CNTN5: variants seen among roughly 807,000 people sequenced by gnomAD.
CNTN5 encodes contactin-5.
A neutral mutation model predicts 129.1 loss-of-function variants in CNTN5; 77 were observed. That is an observed-to-expected ratio of 0.60 (90% CI 0.50 to 0.72). CNTN5 has a LOEUF of 0.72. Ranked by LOEUF, CNTN5 falls within the 30% of genes least tolerant of loss-of-function variation. The probability of loss-of-function intolerance (pLI) is 0.00; values close to 1 mark genes in which losing one functional copy is unlikely to be tolerated. For synonymous variants in CNTN5, 509 were observed against 465.6 expected (o/e 1.09, Z -1.20); for missense variants, 1,478 against 1,328.8 (o/e 1.11, Z -1.75).
intron 6 of CNTN5, among the ~76,000 whole-genome samples, chr11:99,893,639 A>G (rs1240562451): frequency 1.3e-5 from 2 of 152,156 alleles, no homozygotes; most frequent in African/African-American, 4.8e-5. Context: ...GGGCAAAGAA[A>G]AAAAATCAGA....
chr11:99,705,123 A>G (rs1954698321), intron 3 of CNTN5, among the ~76,000 whole-genome samples: 2 of 151,414 alleles, frequency 1.3e-5, no homozygotes, highest in South Asian at 4.1e-4. Flanking sequence ...GCTGTCACCC[A>G]GAAGTGTATA....
chr11:99,469,162 A>G (rs1249133858), intron 2 of CNTN5, among the ~76,000 whole-genome samples: 1 of 152,168 alleles, frequency 6.6e-6, no homozygotes, highest in East Asian at 1.9e-4. Flanking sequence ...TAAGATAGAA[A>G]TGACCATATT....
At chr11:100,317,041 G>C (rs752109433) in intron 21 of CNTN5, among the ~76,000 whole-genome samples, 7 of 152,222 alleles carry the variant, frequency 4.6e-5, no homozygotes, top group Non-Finnish European at 7.3e-5. Context: ...ATGCAACTCA[G>C]AAGTTCATTT....
intron 4 of CNTN5, among the ~76,000 whole-genome samples, chr11:99,843,089 G>A (rs1338247855): frequency 6.6e-6 from 1 of 152,124 alleles, no homozygotes; most frequent in Non-Finnish European, 1.5e-5. Flanking sequence ...AAATTAGCTA[G>A]GCATGGTGGC....
intron 3 of CNTN5, among the ~76,000 whole-genome samples, chr11:99,802,268 G>A (rs1238207065): frequency 1.3e-5 from 2 of 152,142 alleles, no homozygotes; most frequent in Non-Finnish European, 2.9e-5. Flanking sequence ...GTAGCTACTT[G>A]ATCCTGGTTT....
At chr11:99,596,413 A>C (rs1232927783) in intron 3 of CNTN5, among the ~76,000 whole-genome samples, 2 of 152,188 alleles carry the variant, frequency 1.3e-5, no homozygotes, top group Non-Finnish European at 2.9e-5. Flanking sequence ...AGATCACAGC[A>C]AACTACCAAG....
At chr11:99,995,071 G>T (rs931608125) in intron 8 of CNTN5, among the ~76,000 whole-genome samples, 4 of 152,198 alleles carry the variant, frequency 2.6e-5, no homozygotes, top group Non-Finnish European at 5.9e-5. Context: ...CAGTTCACTT[G>T]CTATTTATCA....
intron 9 of CNTN5, among the ~76,000 whole-genome samples, chr11:100,006,368 T>C (rs1940188100): frequency 6.6e-6 from 1 of 152,122 alleles, no homozygotes; most frequent in Non-Finnish European, 1.5e-5. Flanking sequence ...TTAGATAGCA[T>C]TTTACCCACA....
chr11:99,063,218 T>C (rs1435320604), intron 1 of CNTN5, among the ~76,000 whole-genome samples: 2 of 152,076 alleles, frequency 1.3e-5, no homozygotes, highest in Admixed American at 6.6e-5. Flanking sequence ...ATTTATTTAA[T>C]AATGGGAAGA....
rs116816909 is a variant in CNTN5, at chr11:99,136,634, G to C, written c.-210+115364G>C. ...AAACATATTTTCATGTCTGAAATATGCTTTTATGTACACACATCTCCTTCT... is the reference window on the plus strand; with the variant it reads ...AAACATATTTTCATGTCTGAAATATCCTTTTATGTACACACATCTCCTTCT... On this transcript the variant is annotated intron_variant, in intron 1 of 24. Transcript: ENST00000524871. Among the ~76,000 whole-genome samples the C allele has an allele frequency of 8.5e-4, 130 of 152,138 alleles. 1 individual carries two copies. Among genetic ancestry groups the C allele is most frequent in the African/African-American group, 3.0e-3 (126 of 41,512 alleles).
In CNTN5 at chr11:100,297,629, G is replaced by T; in HGVS notation, c.2319G>T (p.Pro773=). The T allele has an allele frequency of 6.2e-7, 1 of 1,605,740 alleles. No individual in the cohort carries two copies. The highest frequency in any genetic ancestry group is 1.1e-5 in the South Asian group (1 of 90,066). Residue 773 remains proline (P), a synonymous_variant, in exon 19 of 25, where the codon CCG becomes CCT. Transcript: ENST00000524871. The part of the protein sequence containing the change: ...SRMIRTNEAV[P]KTAPTNVSGR... ...TCCACCCATTTTTATCCACAGTTCC[G>T]AAGACAGCACCCACCAATGTAAGCG...
intron 18 of CNTN5, among the ~76,000 whole-genome samples, chr11:100,288,970 A>C (rs1950877655): frequency 1.3e-5 from 2 of 152,192 alleles, no homozygotes; most frequent in Admixed American, 1.3e-4. Flanking sequence ...ATCAGAGAAT[A>C]CTACAAACAC....
At chr11:99,501,685 C>G (rs1008539882) in intron 2 of CNTN5, among the ~76,000 whole-genome samples, 3 of 152,088 alleles carry the variant, frequency 2.0e-5, no homozygotes, top group Admixed American at 6.6e-5. Flanking sequence ...ATTCAATTAC[C>G]CACTCAGCAA....
intron 13 of CNTN5, among the ~76,000 whole-genome samples, chr11:100,114,725 C>T (rs1163861877): frequency 6.6e-6 from 1 of 151,938 alleles, no homozygotes; most frequent in Non-Finnish European, 1.5e-5. Context: ...TCTTCCTTTC[C>T]CCATTCAACA....
At chr11:99,720,848 C>CAA (rs920479787) in intron 3 of CNTN5, among the ~76,000 whole-genome samples, 42 of 152,110 alleles carry the variant, frequency 2.8e-4, no homozygotes, top group South Asian at 1.5e-3. Context: ...TATATACCAA[C>CAA]AAAACCAAAA....
intron 3 of CNTN5, among the ~76,000 whole-genome samples, chr11:99,570,778 A>G (rs759631099): frequency 1.3e-5 from 2 of 152,190 alleles, no homozygotes; most frequent in African/African-American, 4.8e-5. Context: ...GAATAAAATG[A>G]TAGTGAGTAA....
chr11:99,653,323 A>G lies in CNTN5; in HGVS notation c.55+97054A>G, dbSNP rs545889181. ...ATTTTTTTATAAGCTTGTTTATCTC[A>G]TCTTTTTCCCCATAAGCACAGTATC... On this transcript the variant is annotated intron_variant, in intron 3 of 24. Coordinates refer to ENST00000524871, the MANE Select transcript of CNTN5 (RefSeq NM_014361.4). Among the ~76,000 whole-genome samples the G allele has an allele frequency of 3.3e-5, 5 of 151,966 alleles. No homozygotes were observed. In the South Asian group the frequency reaches 1.0e-3, roughly 32 times the overall value.
intron 13 of CNTN5, among the ~76,000 whole-genome samples, chr11:100,182,229 A>G (rs574344252): frequency 1.6e-4 from 25 of 152,174 alleles, no homozygotes; most frequent in African/African-American, 4.6e-4. Context: ...GGCAGCTGTA[A>G]CAAATTACTG....
chr11:99,309,621 T>G (rs1011127317), intron 1 of CNTN5, among the ~76,000 whole-genome samples: 1 of 152,216 alleles, frequency 6.6e-6, no homozygotes, highest in Non-Finnish European at 1.5e-5. Flanking sequence ...CCGTCTTTGA[T>G]AGCAGCTCCA....
Sources: allele counts gnomAD v4.1 joint callset (sites outside exome capture counted in the v4.1 genomes callset), GRCh38; gene constraint gnomAD v4.1.1; transcripts MANE v1.5; gene names NCBI Gene and HGNC (gene_info 2026-07-23, HGNC 2026-07-21).